The following MGLL variants were observed in gnomAD, a reference collection of about 807,000 sequenced individuals.
MGLL encodes monoglyceride lipase, also known as lysophospholipase homolog.
MGLL carries 7 observed loss-of-function variants against 29.1 expected under a neutral mutation model. The ratio of observed to expected loss-of-function variants is 0.24; its 90% CI spans 0.14 to 0.45. MGLL has a LOEUF of 0.45. MGLL is among the 20% of genes least tolerant of loss of function. The pLI is 0.99. For missense variants in MGLL, 356 were observed against 413.6 expected (o/e 0.86, Z 1.21); for synonymous variants, 148 against 168.3 (o/e 0.88, Z 0.93).
chr3:127,797,446 T>C (rs1223701628), intron 2 of MGLL, among the ~76,000 whole-genome samples: 1 of 152,194 alleles, frequency 6.6e-6, no homozygotes, highest in Non-Finnish European at 1.5e-5. Flanking sequence ...GGAAGGCTCC[T>C]GAAAATAGAA....
chr3:127,810,070 C>T (rs2077635226), intron 2 of MGLL, among the ~76,000 whole-genome samples: 2 of 152,170 alleles, frequency 1.3e-5, no homozygotes, highest in Non-Finnish European at 1.5e-5. Flanking sequence ...ACAGCCTATA[C>T]AATGAAGCCC....
At chr3:127,793,639 G>A (rs1377066977) in intron 2 of MGLL, among the ~76,000 whole-genome samples, 2 of 152,166 alleles carry the variant, frequency 1.3e-5, no homozygotes, top group East Asian at 1.9e-4. Flanking sequence ...TCGGCTCACT[G>A]CAACCTCCGC....
At chr3:127,813,047 A>C (rs1474790445) in intron 2 of MGLL, among the ~76,000 whole-genome samples, 1 of 152,234 alleles carries the variant, frequency 6.6e-6, no homozygotes, top group Non-Finnish European at 1.5e-5. Context: ...AAAGGTTTTT[A>C]ATCTCTAATC....
chr3:127,735,020 C>T lies in MGLL; in HGVS notation c.263-12454G>A, dbSNP rs557899842. The stretch of plus-strand genomic sequence containing the variant: ...GGGGCCTCTAGCCTCAAGAACCACA[C>T]AACAGACCCGGAGGAGCCCGACGTG... On this transcript the variant is annotated intron_variant, in intron 3 of 7. Transcript: ENST00000265052. 4.6e-5 allele frequency among the ~76,000 whole-genome samples: 7 copies of T among 152,382 alleles called. No homozygotes were observed. In the South Asian group the frequency reaches 1.2e-3, roughly 27 times the overall value.
At chr3:127,788,599 T>C (rs893676940) in intron 2 of MGLL, among the ~76,000 whole-genome samples, 2 of 152,134 alleles carry the variant, frequency 1.3e-5, no homozygotes, top group East Asian at 3.9e-4. Flanking sequence ...GAAAGACGTG[T>C]GGTTCCTCCA....
At chr3:127,715,080 G>A (rs1488267148) in intron 5 of MGLL, among the ~76,000 whole-genome samples, 2 of 152,168 alleles carry the variant, frequency 1.3e-5, no homozygotes, top group Non-Finnish European at 2.9e-5. Context: ...GAAGTCTCAG[G>A]GGCTGGCAGT....
Position 127,722,580 on chromosome 3 carries a change from G to C in MGLL, c.263-14C>G. On this transcript the variant is annotated splice_polypyrimidine_tract_variant and intron_variant, in intron 3 of 7. Coordinates refer to ENST00000265052, the MANE Select transcript of MGLL (RefSeq NM_007283.7). ...GTCCGTGGCCAACTGGAAAGGAACG[G>C]GAGATGAGAGAGAGCTGCAGTTACC... is the stretch of plus-strand genomic sequence containing the variant. 1 of 1,614,232 alleles carries C rather than the reference G, an allele frequency of 6.2e-7. No individual in the cohort carries two copies. The highest frequency in any genetic ancestry group is 1.3e-5 in the African/African-American group (1 of 75,048).
At chr3:127,754,618 GT>G (rs1286670657) in intron 3 of MGLL, among the ~76,000 whole-genome samples, 1 of 152,218 alleles carries the variant, frequency 6.6e-6, no homozygotes, top group Non-Finnish European at 1.5e-5. Flanking sequence ...CTCTAGGTCT[GT>G]TCTCACCACT....
rs565209214 is a variant in MGLL at position 127,784,908 on chromosome 3, T to A, written c.156-3013A>T. 1.6e-4 allele frequency among the ~76,000 whole-genome samples: 24 copies of A among 152,302 alleles called. No homozygotes were observed. In the East Asian group the frequency reaches 4.6e-3, roughly 29 times the overall value. On this transcript the variant is annotated intron_variant, in intron 2 of 7. Transcript: ENST00000265052. ...CTTTAAGCCTTCCAGAAACTTCGCA[T>A]TGCAACAGAACAAAGGTTGTCTGCC...
At chr3:127,721,517 T>G (rs1434355587) in intron 4 of MGLL, among the ~76,000 whole-genome samples, 2 of 150,166 alleles carry the variant, frequency 1.3e-5, no homozygotes, top group South Asian at 2.1e-4. Flanking sequence ...GTTTTTTTTT[T>G]TTTTTTTTTT....
chr3:127,692,440 C>T (rs2075266120), intron 7 of MGLL, 117 bp from the exon 8 acceptor site: 8 of 1,345,800 alleles, frequency 5.9e-6, no homozygotes, highest in Middle Eastern at 2.3e-4. Context: ...TCCCTATGCC[C>T]GAGGACCTGG....
intron 3 of MGLL, among the ~76,000 whole-genome samples, chr3:127,770,928 G>A (rs989089997): frequency 1.3e-5 from 2 of 152,020 alleles, no homozygotes; most frequent in African/African-American, 2.4e-5. Context: ...GGTGAGCGTC[G>A]AGGTCATAAG....
intron 3 of MGLL, among the ~76,000 whole-genome samples, chr3:127,763,677 G>C (rs184481809): frequency 2.0e-5 from 3 of 152,154 alleles, no homozygotes; most frequent in East Asian, 3.9e-4. Flanking sequence ...CCCTAAGCTC[G>C]GCCACTGTGG....
chr3:127,798,117 A>C (rs1419147765), intron 2 of MGLL, among the ~76,000 whole-genome samples: 1 of 152,244 alleles, frequency 6.6e-6, no homozygotes, highest in East Asian at 1.9e-4. Flanking sequence ...CGATGTACCT[A>C]CTAACAGTCA....
chr3:127,700,263 C>T (rs1169790139), intron 6 of MGLL, among the ~76,000 whole-genome samples: 1 of 152,198 alleles, frequency 6.6e-6, no homozygotes, highest in East Asian at 1.9e-4. Context: ...CCTCATTTCC[C>T]ACCTTTGTCT....
intron 2 of MGLL, among the ~76,000 whole-genome samples, chr3:127,791,610 C>T (rs1361043451): frequency 1.3e-5 from 2 of 152,218 alleles, no homozygotes; most frequent in Non-Finnish European, 2.9e-5. Context: ...AGCCTCCTCC[C>T]AAAACTGTGA....
At chr3:127,814,151 T>G (rs953368580) in intron 2 of MGLL, among the ~76,000 whole-genome samples, 8 of 152,078 alleles carry the variant, frequency 5.3e-5, no homozygotes, top group African/African-American at 1.9e-4. Context: ...TTGCGGAACA[T>G]CAAGCATGGG....
chr3:127,801,437 T>C (rs2077478608), intron 2 of MGLL, among the ~76,000 whole-genome samples: 1 of 151,494 alleles, frequency 6.6e-6, no homozygotes, highest in Non-Finnish European at 1.5e-5. Context: ...ACCAACATGG[T>C]GAAACCCCAT....
rs188609860 is a variant in MGLL at position 127,727,872 on chromosome 3, A to G, written c.263-5306T>C. Among the ~76,000 whole-genome samples, 249 of 152,286 alleles carry G rather than the reference A, an allele frequency of 1.6e-3. 2 individuals are homozygous for G. The highest frequency in any genetic ancestry group is 2.8e-3 in the Admixed American group (43 of 15,300). ...GCATAGCGTCAAAATTACAATACCA[A>G]TATTGCCACCAATAATAAGCCTACG... On this transcript the variant is annotated intron_variant, in intron 3 of 7. Transcript: ENST00000265052.
Sources: gnomAD v4.1 joint callset for allele counts (sites outside exome capture counted in the v4.1 genomes callset) on GRCh38, gnomAD v4.1.1 for gene constraint, MANE v1.5 for transcripts, NCBI Gene and HGNC (gene_info 2026-07-23, HGNC 2026-07-21) for gene names.